Variants in TMED10 observed in about 807,000 individuals in gnomAD.
The protein encoded by TMED10 is transmembrane p24 trafficking protein 10.
A neutral mutation model predicts 23.1 loss-of-function variants in TMED10; 7 were observed. That is an observed-to-expected ratio of 0.30 (90% CI 0.17 to 0.57). TMED10 has a LOEUF of 0.57. Ranked by LOEUF, TMED10 falls within the 20% of genes least tolerant of loss-of-function variation. TMED10 has a pLI of 0.91. For synonymous variants in TMED10, 113 were observed against 106.9 expected (o/e 1.06, Z -0.35); for missense variants, 162 against 274.8 (o/e 0.59, Z 2.90).
chr14:75,160,140 C>CATATG (rs1183513269), intron 1 of TMED10, among the ~76,000 whole-genome samples: 1 of 152,182 alleles, frequency 6.6e-6, no homozygotes, highest in African/African-American at 2.4e-5. Context: ...GGGGCTCACT[C>CATATG]ATATGGCCTG....
rs201642324 is a variant in TMED10 at position 75,132,394 on chromosome 14, C to CG, written c.*2490_*2491insC. The stretch of plus-strand genomic sequence containing the variant: ...TGCAGCAAGACTCCGTCCCCCCCCC[C>CG]CCAAAAAAAAAAAAGTTTAAGGATG... On this transcript the variant is annotated 3_prime_UTR_variant, in exon 5 of 5. Transcript: ENST00000303575. 19 of 120,694 alleles carry CG rather than the reference C, an allele frequency of 1.6e-4. No individual in the cohort carries two copies. The highest frequency in any genetic ancestry group is 4.7e-4 in the Admixed American group (6 of 12,670). The allele number at this position is 120,694 out of a possible 1,614,324, so 7.5% of individuals were successfully genotyped here.
intron 2 of TMED10, 91 bp downstream of exon 2, chr14:75,151,940 CA>C (rs1895960465): frequency 1.8e-6 from 2 of 1,103,720 alleles, no homozygotes; most frequent in East Asian, 5.2e-5. Context: ...ATAAAGAATA[CA>C]AATGAAACTA....
chr14:75,165,051 G>T (rs910689996), intron 1 of TMED10, among the ~76,000 whole-genome samples: 1 of 151,928 alleles, frequency 6.6e-6, no homozygotes, highest in Admixed American at 6.6e-5. Context: ...TAGATATGGC[G>T]GAAAGAGAGA....
intron 3 of TMED10, among the ~76,000 whole-genome samples, chr14:75,147,191 T>TTTTTTTTTTTTTTG (rs1895896372): frequency 2.1e-5 from 1 of 47,934 alleles, no homozygotes; most frequent in African/African-American, 4.7e-5. Flanking sequence ...GGCTGTTTTT[T>TTTTTTTTTTTTTTG]TTTTTTTTTT....
At chr14:75,136,536 A>G (rs78741201) in intron 3 of TMED10, among the ~76,000 whole-genome samples, 1,627 of 152,312 alleles carry the variant, frequency 0.011, 27 homozygotes, top group African/African-American at 0.038. Context: ...AATACAATAA[A>G]TGTGGGAGTC....
At chr14:75,174,853 C>T (rs1035872962) in intron 1 of TMED10, among the ~76,000 whole-genome samples, 10 of 151,824 alleles carry the variant, frequency 6.6e-5, no homozygotes, top group African/African-American at 2.4e-4. Flanking sequence ...CCATCCTGGC[C>T]AACATGGTGA....
chr14:75,156,774 C>T (rs1896023515), intron 1 of TMED10, among the ~76,000 whole-genome samples: 1 of 151,834 alleles, frequency 6.6e-6, no homozygotes, highest in Non-Finnish European at 1.5e-5. Context: ...ACTAAAAATA[C>T]AAAAATTAGT....
intron 1 of TMED10, among the ~76,000 whole-genome samples, chr14:75,161,562 T>C (rs1896085533): frequency 6.6e-6 from 1 of 152,162 alleles, no homozygotes; most frequent in Non-Finnish European, 1.5e-5. Flanking sequence ...AAAAGGACTG[T>C]AACTAACAGA....
chr14:75,156,914 A>AAAAAAAGAAAAGAAAAGAAAAGAAAAG (rs1896025784), intron 1 of TMED10, among the ~76,000 whole-genome samples: 1 of 144,486 alleles, frequency 6.9e-6, no homozygotes, highest in Non-Finnish European at 1.5e-5. Flanking sequence ...CTCCGTCTCA[A>AAAAAAAGAAAAGAAAAGAAAAGAAAAG]AAAAAAGAAA....
chr14:75,141,127 C>A (rs1048804465), intron 3 of TMED10, among the ~76,000 whole-genome samples: 3 of 151,980 alleles, frequency 2.0e-5, no homozygotes, highest in Non-Finnish European at 1.5e-5. Flanking sequence ...GTAGTAACTT[C>A]TATAACAAAA....
intron 1 of TMED10, 89 bp downstream of exon 1, chr14:75,176,266 C>T (rs1242523914): frequency 2.0e-6 from 3 of 1,525,860 alleles, no homozygotes; most frequent in Admixed American, 1.7e-5. Flanking sequence ...ACTCCCAGGC[C>T]TCCGCCGGCC....
At chr14:75,157,674 C>G (rs1321579012) in intron 1 of TMED10, among the ~76,000 whole-genome samples, 1 of 151,648 alleles carries the variant, frequency 6.6e-6, no homozygotes, top group Non-Finnish European at 1.5e-5. Context: ...TGCAGTGGCC[C>G]ACACCTGTAA....
At chr14:75,145,573 G>A (rs1345457538) in intron 3 of TMED10, among the ~76,000 whole-genome samples, 1 of 152,162 alleles carries the variant, frequency 6.6e-6, no homozygotes, top group Non-Finnish European at 1.5e-5. Flanking sequence ...AGATCACGAG[G>A]TCAGGAGATC....
intron 1 of TMED10, among the ~76,000 whole-genome samples, chr14:75,164,586 T>TGTA: frequency 1.2e-5 from 1 of 84,774 alleles, no homozygotes; most frequent in African/African-American, 4.3e-5. Context: ...TATTTTTTTT[T>TGTA]TTTTTTTTGT....
chr14:75,156,915 A>G (rs933662545), intron 1 of TMED10, among the ~76,000 whole-genome samples: 1 of 145,234 alleles, frequency 6.9e-6, no homozygotes, highest in African/African-American at 2.5e-5. Context: ...TCCGTCTCAA[A>G]AAAAAGAAAA....
chr14:75,149,770 G>A (rs1895933610), intron 2 of TMED10, among the ~76,000 whole-genome samples: 1 of 152,240 alleles, frequency 6.6e-6, no homozygotes, highest in South Asian at 2.1e-4. Flanking sequence ...CAAAGGCTCA[G>A]ATATTAAAAT....
chr14:75,170,157 A>AG (rs1439280504), intron 1 of TMED10, among the ~76,000 whole-genome samples: 18 of 152,104 alleles, frequency 1.2e-4, no homozygotes, highest in Admixed American at 2.0e-4. Context: ...AACCCCGGGG[A>AG]GCAGAGCCTG....
chr14:75,145,714 G>A (rs1044474649), intron 3 of TMED10, among the ~76,000 whole-genome samples: 15 of 152,158 alleles, frequency 9.9e-5, no homozygotes, highest in Non-Finnish European at 1.8e-4. Context: ...GTGAACCCGG[G>A]AGGCGGAGCT....
At position 75,134,772 on chromosome 14, in the gene TMED10, G is replaced by T; in HGVS notation, c.*113C>A. 1 of 1,455,672 alleles carries T rather than the reference G, an allele frequency of 6.9e-7. No homozygotes were observed. The highest frequency in any genetic ancestry group is 9.4e-7 in the Non-Finnish European group (1 of 1,058,332). The allele number at this position is 1,455,672 out of a possible 1,614,324, so 90.2% of individuals were successfully genotyped here. On this transcript the variant is annotated 3_prime_UTR_variant, in exon 5 of 5. Coordinates refer to ENST00000303575, the MANE Select transcript of TMED10 (RefSeq NM_006827.6). ...CACCAAAAGAGATCAGTTCTGGCAA[G>T]AAAGCTCCAACGTGCCTTGATGGTG...
Sources: gnomAD v4.1 joint callset for allele counts (sites outside exome capture counted in the v4.1 genomes callset) on GRCh38, gnomAD v4.1.1 for gene constraint, MANE v1.5 for transcripts, NCBI Gene and HGNC (gene_info 2026-07-23, HGNC 2026-07-21) for gene names.